CDK8: variants seen among roughly 807,000 people sequenced by gnomAD.
The protein encoded by CDK8 is cyclin dependent kinase 8.
CDK8 carries 29 observed loss-of-function variants against 71.5 expected under a neutral mutation model. The observed-to-expected ratio is 0.41, with a 90% confidence interval of 0.30 to 0.55. The LOEUF is 0.55. CDK8 is among the 20% of genes least tolerant of loss of function. The pLI, the probability that CDK8 is intolerant of heterozygous loss-of-function variation, is 0.37. For missense variants in CDK8, 288 were observed against 572.6 expected, an observed-to-expected ratio of 0.50 and a Z score of 5.07; for synonymous variants, 161 against 192.1, an observed-to-expected ratio of 0.84 and a Z score of 1.34.
intron 5 of CDK8, among the ~76,000 whole-genome samples, chr13:26,383,577 GAAA>G (rs973112174): frequency 6.6e-6 from 1 of 152,104 alleles, no homozygotes; most frequent in South Asian, 2.1e-4. Flanking sequence ...ATTTGTAGAA[GAAA>G]TGTTTAAATT....
In CDK8 at chr13:26,254,929, C is replaced by G. The variant is rs1176151079; in HGVS notation, c.128+160C>G. On this transcript the variant is annotated intron_variant, in intron 1 of 12. Transcript: ENST00000381527. The surrounding 1 kb of genome is among the most constrained non-coding windows in gnomAD (Gnocchi z 6.7). The stretch of plus-strand genomic sequence containing the variant: ...CCAGGTTTGGGGAGGAAGTGGTGTA[C>G]GAGGGATCCAAACCCACGAGAAATC... Among the ~76,000 whole-genome samples the G allele has an allele frequency of 6.6e-6, 1 of 152,144 alleles. No individual in the cohort carries two copies.
intron 4 of CDK8, among the ~76,000 whole-genome samples, chr13:26,369,709 C>CTTTT (rs36116401): frequency 1.7e-4 from 16 of 95,358 alleles, no homozygotes; most frequent in South Asian, 1.2e-3. Flanking sequence ...TTCTTTCTTT[C>CTTTT]TTTTTTTTTT....
intron 4 of CDK8, among the ~76,000 whole-genome samples, chr13:26,372,091 G>A (rs1342116101): frequency 6.6e-6 from 1 of 152,128 alleles, no homozygotes; most frequent in Non-Finnish European, 1.5e-5. Context: ...GGAAAGTTCA[G>A]TGTGTACTAG....
intron 1 of CDK8, among the ~76,000 whole-genome samples, chr13:26,304,663 G>A (rs1186208456): frequency 6.6e-6 from 1 of 151,914 alleles, no homozygotes; most frequent in Admixed American, 6.6e-5. Flanking sequence ...TAGTGACAGT[G>A]TTTCCCTCTT....
At chr13:26,318,400 A>AAT (rs1394037407) in intron 1 of CDK8, among the ~76,000 whole-genome samples, 2 of 152,154 alleles carry the variant, frequency 1.3e-5, no homozygotes, top group African/African-American at 4.8e-5. Flanking sequence ...CTTTCAAAAA[A>AAT]ATTGAAGTGG....
intron 1 of CDK8, among the ~76,000 whole-genome samples, chr13:26,270,472 G>A (rs1372251070): frequency 2.0e-5 from 3 of 151,212 alleles, no homozygotes; most frequent in East Asian, 1.9e-4. Context: ...AGCTATTACC[G>A]CAATCTGATT....
chr13:26,351,177 G>C (rs1873664808), intron 3 of CDK8, among the ~76,000 whole-genome samples: 1 of 152,048 alleles, frequency 6.6e-6, no homozygotes, highest in Non-Finnish European at 1.5e-5. Flanking sequence ...CTATACTCCT[G>C]TGAACTGCTT....
intron 1 of CDK8, among the ~76,000 whole-genome samples, 163 bp from the exon 2 acceptor site, chr13:26,337,404 G>C (rs1873039995): frequency 1.3e-5 from 2 of 152,128 alleles, no homozygotes; most frequent in Non-Finnish European, 1.5e-5. Context: ...AATGGGACTG[G>C]ACTAGGTTGT....
chr13:26,403,369 T>C (rs1309159008), intron 12 of CDK8, among the ~76,000 whole-genome samples: 1 of 151,896 alleles, frequency 6.6e-6, no homozygotes, highest in Non-Finnish European at 1.5e-5. Context: ...AAAAATTAGC[T>C]GAGCATGGAG....
intron 1 of CDK8, among the ~76,000 whole-genome samples, chr13:26,295,714 G>T (rs1367890961): frequency 6.6e-6 from 1 of 152,162 alleles, no homozygotes; most frequent in African/African-American, 2.4e-5. Context: ...TTAAGTTGAA[G>T]AGTAAAACCA....
intron 1 of CDK8, among the ~76,000 whole-genome samples, chr13:26,303,789 A>AT (rs1272337696): frequency 1.3e-5 from 2 of 152,100 alleles, no homozygotes; most frequent in Non-Finnish European, 2.9e-5. Flanking sequence ...TTACTGAGTA[A>AT]TTTTTTATAG....
chr13:26,305,886 A>G (rs1322892624), intron 1 of CDK8, among the ~76,000 whole-genome samples: 2 of 152,230 alleles, frequency 1.3e-5, no homozygotes, highest in African/African-American at 4.8e-5. Flanking sequence ...ATAATATGCA[A>G]TAAAGACAGC....
chr13:26,284,265 C>G (rs1872897508), intron 1 of CDK8, among the ~76,000 whole-genome samples: 1 of 152,076 alleles, frequency 6.6e-6, no homozygotes, highest in Non-Finnish European at 1.5e-5. Context: ...AACCCAAACG[C>G]AGCAGAAGAA....
At chr13:26,359,680 ACTT>A (rs1354833520) in intron 4 of CDK8, 3 of 402,844 alleles carry the variant, frequency 7.4e-6, no homozygotes, top group Non-Finnish European at 1.5e-5. Flanking sequence ...CATCTAGACA[ACTT>A]CACTAACTGC....
intron 2 of CDK8, among the ~76,000 whole-genome samples, chr13:26,340,723 C>T (rs1873204065): frequency 1.3e-5 from 2 of 152,026 alleles, no homozygotes; most frequent in African/African-American, 2.4e-5. Context: ...AATGTAATTA[C>T]GAGGGGGTTC....
At chr13:26,338,593 G>T (rs1873086078) in intron 2 of CDK8, among the ~76,000 whole-genome samples, 1 of 152,116 alleles carries the variant, frequency 6.6e-6, no homozygotes, top group African/African-American at 2.4e-5. Context: ...ACTTTCATGA[G>T]GGAAGAATAG....
chr13:26,300,906 G>A (rs1873796397), intron 1 of CDK8, among the ~76,000 whole-genome samples: 2 of 152,208 alleles, frequency 1.3e-5, no homozygotes, highest in South Asian at 2.1e-4. Context: ...GTTTGGTACT[G>A]TAGGAAAGTG....
intron 4 of CDK8, among the ~76,000 whole-genome samples, chr13:26,380,153 G>C (rs1467077445): frequency 2.6e-5 from 4 of 152,084 alleles, no homozygotes; most frequent in African/African-American, 9.7e-5. Flanking sequence ...TAGGAGTGGG[G>C]GAGGACCAAT....
Position 26,309,141 on chromosome 13 carries a change from A to AT in CDK8, c.129-28410dup, listed in dbSNP as rs71080250. 4.3e-3 allele frequency among the ~76,000 whole-genome samples: 559 copies of AT among 128,916 alleles called. 6 individuals carry two copies. The highest frequency in any genetic ancestry group is 0.037 in the South Asian group (148 of 3,960). The allele number at this position is 128,916 out of a possible 152,430, so 84.6% of individuals were successfully genotyped here. On this transcript the variant is annotated intron_variant, in intron 1 of 12. Transcript: ENST00000381527. ...TATATCTATATATGTATGTATATAG[A>AT]TTTTTTTTTTTTTTTTGAGACGGAG...
Sources: allele counts gnomAD v4.1 joint callset (sites outside exome capture counted in the v4.1 genomes callset), GRCh38; gene constraint gnomAD v4.1.1; non-coding constraint Gnocchi (gnomAD v3.1); transcripts MANE v1.5; gene names NCBI Gene and HGNC (gene_info 2026-07-23, HGNC 2026-07-21).